CDH11: variants seen among roughly 807,000 people sequenced by gnomAD.
The protein encoded by CDH11 is cadherin 11.
In CDH11, 11 loss-of-function variants were observed where a neutral mutation model predicts 67.8. The observed-to-expected ratio is 0.16, with a 90% CI of 0.10 to 0.27. The LOEUF (loss-of-function observed/expected upper bound fraction) is 0.27. CDH11 is among the 10% of genes least tolerant of loss of function. The pLI, the probability that CDH11 is intolerant of heterozygous loss-of-function variation, is 1.00. For missense variants in CDH11, 847 were observed against 1,031.2 expected, an observed-to-expected ratio of 0.82 and a Z score of 2.45; for synonymous variants, 419 against 400.0, an observed-to-expected ratio of 1.05 and a Z score of -0.57.
chr16:64,973,646 A>G (rs948858678), intron 8 of CDH11, among the ~76,000 whole-genome samples: 15 of 152,096 alleles, frequency 9.9e-5, no homozygotes, highest in Non-Finnish European at 2.1e-4. Flanking sequence ...TCTCTACTAA[A>G]AAATACAAAA....
intron 1 of CDH11, among the ~76,000 whole-genome samples, chr16:65,107,699 G>A (rs560572444): frequency 3.3e-5 from 5 of 152,264 alleles, no homozygotes; most frequent in African/African-American, 9.6e-5. Context: ...AACTCTGCTC[G>A]GGCAAAGCAA....
At chr16:65,011,014 T>TGG (rs771945746) in intron 2 of CDH11, among the ~76,000 whole-genome samples, 15,234 of 147,290 alleles carry the variant, frequency 0.1, 948 homozygotes, top group African/African-American at 0.17. Context: ...TGTATATATA[T>TGG]GTGTATATAT....
intron 1 of CDH11, among the ~76,000 whole-genome samples, chr16:65,095,651 T>A (rs1438541760): frequency 6.6e-6 from 1 of 152,190 alleles, no homozygotes; most frequent in East Asian, 1.9e-4. Flanking sequence ...CTGATGAAGC[T>A]ACAATCCCAT....
chr16:65,006,591 G>T (rs1310387288), intron 2 of CDH11, among the ~76,000 whole-genome samples: 1 of 152,230 alleles, frequency 6.6e-6, no homozygotes, highest in African/African-American at 2.4e-5. Flanking sequence ...TGAACACAGA[G>T]TTGGGAACTG....
intron 2 of CDH11, among the ~76,000 whole-genome samples, chr16:65,043,939 T>C (rs1284036796): frequency 6.6e-6 from 1 of 152,062 alleles, no homozygotes; most frequent in Non-Finnish European, 1.5e-5. Flanking sequence ...TGGGCCTCGT[T>C]TTATTCTTCT....
At chr16:64,987,812 A>G (rs2072524426) in intron 7 of CDH11, 2 of 186,212 alleles carry the variant, frequency 1.1e-5, no homozygotes, top group African/African-American at 4.7e-5. Context: ...TGGCAGAGCT[A>G]AGGGGGGAAT....
At chr16:65,064,798 G>T (rs1021649303) in intron 1 of CDH11, among the ~76,000 whole-genome samples, 1 of 152,162 alleles carries the variant, frequency 6.6e-6, no homozygotes, top group African/African-American at 2.4e-5. Context: ...TTAAATAGCA[G>T]AAAGTAGAAG....
At chr16:65,064,811 G>A (rs780070194) in intron 1 of CDH11, among the ~76,000 whole-genome samples, 55 of 152,152 alleles carry the variant, frequency 3.6e-4, no homozygotes, top group Non-Finnish European at 4.4e-5. Flanking sequence ...AGTAGAAGGA[G>A]TCAAAAGAAA....
At chr16:65,051,915 T>C (rs1035663352) in intron 2 of CDH11, among the ~76,000 whole-genome samples, 2 of 152,206 alleles carry the variant, frequency 1.3e-5, no homozygotes, top group Admixed American at 6.5e-5. Flanking sequence ...GGAAGTTCTT[T>C]ATGGCAGTGT....
chr16:64,958,751 A>G (rs1198072159), intron 11 of CDH11, among the ~76,000 whole-genome samples: 1 of 152,202 alleles, frequency 6.6e-6, no homozygotes, highest in African/African-American at 2.4e-5. Context: ...GTTGAATTCC[A>G]TCATAGCCTA....
chr16:65,035,492 C>T (rs185329386), intron 2 of CDH11, among the ~76,000 whole-genome samples: 37 of 152,252 alleles, frequency 2.4e-4, no homozygotes, highest in African/African-American at 7.9e-4. Flanking sequence ...TCTTAATGGG[C>T]GCTTGCTAAC....
chr16:64,994,166 A>C (rs2072707576), intron 4 of CDH11, among the ~76,000 whole-genome samples: 1 of 152,038 alleles, frequency 6.6e-6, no homozygotes, highest in Non-Finnish European at 1.5e-5. Context: ...TGTACATCTC[A>C]CTTTTTTCTA....
chr16:64,950,465 CT>C (rs1027057911), intron 12 of CDH11, among the ~76,000 whole-genome samples: 2 of 152,126 alleles, frequency 1.3e-5, no homozygotes, highest in African/African-American at 4.8e-5. Flanking sequence ...CTGAAGCCCC[CT>C]AGTGGCTCCT....
chr16:65,008,130 CA>C (rs1412492341), intron 2 of CDH11, among the ~76,000 whole-genome samples: 8 of 152,340 alleles, frequency 5.3e-5, no homozygotes, highest in Admixed American at 4.6e-4. Context: ...TTCTGGCTGC[CA>C]TTTTGCTGCA....
intron 4 of CDH11, among the ~76,000 whole-genome samples, chr16:64,997,646 A>G (rs2142508471): frequency 6.6e-6 from 1 of 152,316 alleles, no homozygotes; most frequent in South Asian, 2.1e-4. Context: ...AAGGTGGGAA[A>G]TGGTTCAGGC....
intron 1 of CDH11, among the ~76,000 whole-genome samples, chr16:65,101,646 C>CCTCATCA (rs2074993893): frequency 6.6e-6 from 1 of 152,194 alleles, no homozygotes; most frequent in African/African-American, 2.4e-5. Flanking sequence ...ATGAGCAGTG[C>CCTCATCA]TCCTCAGCCA....
intron 1 of CDH11, among the ~76,000 whole-genome samples, chr16:65,105,250 G>A (rs2075049050): frequency 6.6e-6 from 1 of 152,150 alleles, no homozygotes; most frequent in African/African-American, 2.4e-5. Context: ...TTGTGTTTTT[G>A]TGAGGGGCCC....
At chr16:65,080,283 CAA>C (rs11374863) in intron 1 of CDH11, among the ~76,000 whole-genome samples, 14 of 121,650 alleles carry the variant, frequency 1.2e-4, no homozygotes, top group African/African-American at 1.4e-4. Context: ...AGTACAAATG[CAA>C]AAAAAAAAAA....
At chr16:65,060,702 G>T (rs1044367281) in intron 1 of CDH11, among the ~76,000 whole-genome samples, 1 of 151,900 alleles carries the variant, frequency 6.6e-6, no homozygotes, top group Admixed American at 6.6e-5. Context: ...TCCTTGTCAT[G>T]TATAAATATC....
Sources: gnomAD v4.1 joint callset for allele counts (sites outside exome capture counted in the v4.1 genomes callset) on GRCh38, gnomAD v4.1.1 for gene constraint, MANE v1.5 for transcripts, NCBI Gene and HGNC (gene_info 2026-07-23, HGNC 2026-07-21) for gene names.